Variants in PLEKHG7 observed in about 807,000 individuals in gnomAD.
PLEKHG7 encodes pleckstrin homology and RhoGEF domain containing G7.
A neutral mutation model predicts 85.2 loss-of-function variants in PLEKHG7; 77 were observed. The ratio of observed to expected loss-of-function variants is 0.90; its 90% CI spans 0.75 to 1.09. The LOEUF (loss-of-function observed/expected upper bound fraction) is 1.09. Ranked by LOEUF, PLEKHG7 falls within the 50% of genes least tolerant of loss-of-function variation. The pLI is 0.00. For missense variants in PLEKHG7, 777 were observed against 804.3 expected (o/e 0.97, Z 0.41); for synonymous variants, 301 against 302.4 (o/e 1.00, Z 0.05).
At chr12:92,710,042 T>A (rs1871337992) in intron 3 of PLEKHG7, among the ~76,000 whole-genome samples, 1 of 152,142 alleles carries the variant, frequency 6.6e-6, no homozygotes, top group Non-Finnish European at 1.5e-5. Flanking sequence ...GCAGTGTTCC[T>A]CCCTCTGGAA....
At chr12:92,745,065 A>C (rs1272523049) in intron 9 of PLEKHG7, among the ~76,000 whole-genome samples, 1 of 152,234 alleles carries the variant, frequency 6.6e-6, no homozygotes, top group Non-Finnish European at 1.5e-5. Context: ...CCTTACTTTA[A>C]TCACTTACTA....
chr12:92,730,191 C>G (rs1035870472), intron 4 of PLEKHG7, among the ~76,000 whole-genome samples: 4 of 152,156 alleles, frequency 2.6e-5, no homozygotes, highest in Non-Finnish European at 4.4e-5. Context: ...TTCACATCTA[C>G]TTACTGTCTT....
intron 13 of PLEKHG7, among the ~76,000 whole-genome samples, chr12:92,760,392 C>A (rs1187439706): frequency 6.6e-6 from 1 of 151,984 alleles, no homozygotes; most frequent in African/African-American, 2.4e-5. Flanking sequence ...CTCCCCTATG[C>A]AAATATAGAA....
At chr12:92,745,932 A>C (rs920571376) in intron 10 of PLEKHG7, among the ~76,000 whole-genome samples, 3 of 152,208 alleles carry the variant, frequency 2.0e-5, no homozygotes, top group Non-Finnish European at 4.4e-5. Context: ...TGTGACTTAG[A>C]AGTTTGGCTC....
intron 10 of PLEKHG7, among the ~76,000 whole-genome samples, chr12:92,753,226 A>G (rs146308195): frequency 1.3e-3 from 199 of 152,210 alleles, no homozygotes; most frequent in African/African-American, 4.4e-3. Flanking sequence ...ACACACCCCT[A>G]TACTCCTTCC....
intron 10 of PLEKHG7, among the ~76,000 whole-genome samples, chr12:92,746,830 C>G (rs1218984255): frequency 6.6e-6 from 1 of 152,024 alleles, no homozygotes; most frequent in African/African-American, 2.4e-5. Context: ...TATCTCGATG[C>G]AGAAGAATGA....
chr12:92,737,037 G>GT (rs546910662), intron 6 of PLEKHG7, among the ~76,000 whole-genome samples: 13 of 151,982 alleles, frequency 8.6e-5, no homozygotes, highest in Non-Finnish European at 1.9e-4. Context: ...GGTTCTTTGA[G>GT]TTTTTTTTGT....
chr12:92,754,162 A>C lies in PLEKHG7; in HGVS notation c.1324A>C (p.Thr442Pro). ...ELLVAPLQRLTRYPLLLKNIW... is the reference protein window; with the variant it reads ...ELLVAPLQRLPRYPLLLKNIW... Reference sequence around the variant, plus strand: ...GCTAGTGGCCCCACTACAGAGGCTCACTCGATATCCGTTGTTGCTGAAGAA... The same window carrying C: ...GCTAGTGGCCCCACTACAGAGGCTCCCTCGATATCCGTTGTTGCTGAAGAA... The change falls in exon 11 of 17, where the codon ACT becomes CCT. Residue 442 changes from threonine to proline, a missense_variant. By Grantham distance (38) the Thr-to-Pro change is conservative (BLOSUM62 -1). Transcript: ENST00000344636. 6.2e-7 allele frequency: 1 copy of C among 1,614,060 alleles called. No individual in the cohort carries two copies. Among genetic ancestry groups the C allele is most frequent in the African/African-American group, 1.3e-5 (1 of 75,038 alleles).
chr12:92,724,317 T>C (rs1871734228), intron 3 of PLEKHG7, among the ~76,000 whole-genome samples: 2 of 152,138 alleles, frequency 1.3e-5, no homozygotes, highest in South Asian at 4.1e-4. Flanking sequence ...CTAATTCAGT[T>C]CCCTCCATCC....
At chr12:92,758,415 A>G (rs1466707637) in intron 13 of PLEKHG7, among the ~76,000 whole-genome samples, 1 of 152,256 alleles carries the variant, frequency 6.6e-6, no homozygotes, top group South Asian at 2.1e-4. Context: ...TGATAATGCC[A>G]TGAGTGGTAG....
At chr12:92,768,209 GAA>G (rs748690347) in intron 15 of PLEKHG7, among the ~76,000 whole-genome samples, 2 of 126,646 alleles carry the variant, frequency 1.6e-5, no homozygotes, top group Non-Finnish European at 3.4e-5. Context: ...TTCGTCTCAA[GAA>G]AAAAAAAAAA....
intron 3 of PLEKHG7, among the ~76,000 whole-genome samples, chr12:92,714,379 G>A (rs184198591): frequency 9.5e-4 from 145 of 152,262 alleles, no homozygotes; most frequent in Middle Eastern, 6.8e-3. Flanking sequence ...CTTCATCAGC[G>A]TCCTCCCGGG....
At chr12:92,762,738 C>A (rs1873075807) in intron 14 of PLEKHG7, among the ~76,000 whole-genome samples, 1 of 152,180 alleles carries the variant, frequency 6.6e-6, no homozygotes, top group Non-Finnish European at 1.5e-5. Context: ...CCATTCATTT[C>A]TTTACCAAAT....
At position 92,749,176 on chromosome 12, in the gene PLEKHG7, T is replaced by C. The variant is rs562011522; in HGVS notation, c.1251+3585T>C. Among the ~76,000 whole-genome samples the C allele has an allele frequency of 2.0e-5, 3 of 152,312 alleles. No homozygotes were observed. The South Asian group carries it at 6.2e-4, about 32-fold the overall frequency. On this transcript the variant is annotated intron_variant, in intron 10 of 16. Coordinates refer to ENST00000344636, the MANE Select transcript of PLEKHG7 (RefSeq NM_001377329.1). Reference sequence around the variant, plus strand: ...GACCTATAAATGCAGTGGGATAAATTTACCCTCCACACCACATGAGGCTAA... The same window carrying C: ...GACCTATAAATGCAGTGGGATAAATCTACCCTCCACACCACATGAGGCTAA...
At chr12:92,761,614 A>T (rs1872999355) in intron 13 of PLEKHG7, 138 bp from the exon 14 acceptor site, 1 of 1,053,034 alleles carries the variant, frequency 9.5e-7, no homozygotes, top group Non-Finnish European at 1.3e-6. Context: ...AGAAAAAGAA[A>T]GAAAGAAAGA....
intron 15 of PLEKHG7, among the ~76,000 whole-genome samples, chr12:92,764,799 G>A (rs904588636): frequency 1.3e-5 from 2 of 152,124 alleles, no homozygotes; most frequent in African/African-American, 4.8e-5. Context: ...ATACAAAGAT[G>A]AATAAGAAAC....
intron 16 of PLEKHG7, 87 bp downstream of exon 16, chr12:92,769,167 T>C: frequency 9.5e-7 from 1 of 1,056,044 alleles, no homozygotes; most frequent in Admixed American, 2.5e-5. Flanking sequence ...GAATGGAAAG[T>C]TTTGTGTTTT....
At position 92,772,084 on chromosome 12, in the gene PLEKHG7, C is replaced by T. The variant is rs557794693; in HGVS notation, c.*1889C>T. The T allele has an allele frequency of 1.3e-5, 2 of 151,274 alleles. No homozygotes were observed. Among genetic ancestry groups the T allele is most frequent in the African/African-American group, 4.8e-5 (2 of 41,262 alleles). The allele number at this position is 151,274 out of a possible 1,614,324, so 9.4% of individuals were successfully genotyped here. On this transcript the variant is annotated 3_prime_UTR_variant, in exon 17 of 17. Coordinates refer to ENST00000344636, the MANE Select transcript of PLEKHG7 (RefSeq NM_001377329.1). Reference sequence around the variant, plus strand: ...CAAAAACCATTCTAGAACCGTGGCTCCCAGGAAGAAAAAATAGCAAAAAAC... The same window carrying T: ...CAAAAACCATTCTAGAACCGTGGCTTCCAGGAAGAAAAAATAGCAAAAAAC...
In PLEKHG7 at chr12:92,706,892, C is replaced by T. The variant is rs761182559; in HGVS notation, c.261C>T (p.Ser87=). 6.2e-7 allele frequency: 1 copy of T among 1,614,032 alleles called. No individual in the cohort carries two copies. Among genetic ancestry groups the T allele is most frequent in the Non-Finnish European group, 8.5e-7 (1 of 1,179,992 alleles). Residue 87 remains serine, a synonymous_variant, in exon 2 of 17, where the codon AGC becomes AGT. Transcript: ENST00000344636. ...PVGFPCYLSK[S]LPGSPKDSSH... is the part of the protein sequence containing the mutation. The stretch of plus-strand genomic sequence containing the variant: ...GCTTCCCATGTTACCTTTCGAAGAG[C>T]CTGCCAGGAAGCCCAAAGGATTCTT...
Sources: allele counts gnomAD v4.1 joint callset (sites outside exome capture counted in the v4.1 genomes callset), GRCh38; gene constraint gnomAD v4.1.1; transcripts MANE v1.5; gene names NCBI Gene and HGNC (gene_info 2026-07-23, HGNC 2026-07-21).